Variants in CIAO3 observed in about 807,000 individuals in gnomAD.
CIAO3 encodes the protein cytosolic iron-sulfur assembly component 3, also known as LET1 like/JFP15.
CIAO3 carries 45 observed loss-of-function variants against 51.5 expected under a neutral mutation model. The observed-to-expected ratio is 0.87, with a 90% CI of 0.69 to 1.12. The LOEUF is 1.12. CIAO3 is among the 50% of genes most tolerant of loss of function. The probability of loss-of-function intolerance (pLI) is 0.00; values close to 1 mark genes in which losing one functional copy is unlikely to be tolerated. For synonymous variants in CIAO3, 314 were observed against 269.3 expected, an observed-to-expected ratio of 1.17 and a Z score of -1.63; for missense variants, 668 against 632.5, an observed-to-expected ratio of 1.06 and a Z score of -0.60.
At chr16:734,700 G>T (rs373388424) in intron 5 of CIAO3, 37 bp downstream of exon 5, 13 of 1,612,552 alleles carry the variant, frequency 8.1e-6, no homozygotes, top group Non-Finnish European at 1.1e-5. Flanking sequence ...AACTGCACTT[G>T]AACTTGACTC....
Position 737,814 on chromosome 16 carries a change from C to A in CIAO3, c.163-485G>T, listed in dbSNP as rs1034446158. The A allele has an allele frequency of 5.9e-6, 7 of 1,193,222 alleles. No individual in the cohort carries two copies. In the Admixed American group the frequency reaches 1.4e-4, roughly 24 times the overall value. The allele number at this position is 1,193,222 out of a possible 1,614,324, so 73.9% of individuals were successfully genotyped here. The stretch of plus-strand genomic sequence containing the variant: ...CTCCGGTGGGCGGGGCAGAAACAAC[C>A]GTCAGACTCGCCAAACAGATGCAGG... On this transcript the variant is annotated intron_variant, in intron 2 of 10. Coordinates refer to ENST00000251588, the MANE Select transcript of CIAO3 (RefSeq NM_022493.3). The surrounding 1 kb of genome is among the most constrained non-coding windows in gnomAD (Gnocchi z 5.3).
At position 737,215 on chromosome 16, in the gene CIAO3, C is replaced by G; in HGVS notation, c.277G>C (p.Glu93Gln). ...TVLITQQSHEELKKVLDANKM... is the reference protein window; with the variant it reads ...TVLITQQSHEQLKKVLDANKM... ...TTAGCATCTAGAACCTTCTTCAGCT[C>G]CTCGTGGCTCTGCTGGGTGATAAGC... Residue 93 changes from glutamate to glutamine, a missense_variant, in exon 3 of 11, where the codon GAG becomes CAG. By Grantham distance (29) the Glu-to-Gln change is conservative (BLOSUM62 2). Transcript: ENST00000251588. This position sits in a 1 kb window ranked among gnomAD's most constrained non-coding sequence, Gnocchi z 5.3. 1 of 1,613,786 alleles carries G rather than the reference C, an allele frequency of 6.2e-7. No homozygotes were observed. The highest frequency in any genetic ancestry group is 8.5e-7 in the Non-Finnish European group (1 of 1,180,018).
chr16:730,628 T>C lies in CIAO3; in HGVS notation c.1220A>G (p.Gln407Arg). The change falls in exon 11 of 11, where the codon CAG (glutamine) becomes CGG (arginine). Residue 407 changes from glutamine (Q) to arginine (R), a missense_variant. Physicochemically the swap from Gln to Arg is conservative, Grantham distance 43 (BLOSUM62 1). Transcript: ENST00000251588. ...SGCLNGGGQL[Q>R]APDRPSRELL... ...CTCTCTGCTGGGCCTGTCTGGGGCCTGGAGCTGGCCCCCGCCGTTCAGGCA... is the reference window on the plus strand; with the variant it reads ...CTCTCTGCTGGGCCTGTCTGGGGCCCGGAGCTGGCCCCCGCCGTTCAGGCA... 6.2e-7 allele frequency: 1 copy of C among 1,609,778 alleles called. No homozygotes were observed. Among genetic ancestry groups the C allele is most frequent in the South Asian group, 1.1e-5 (1 of 91,076 alleles).
At position 732,062 on chromosome 16, in the gene CIAO3, G is replaced by C. The variant is rs1222115260; in HGVS notation, c.896+239C>G. On this transcript the variant is annotated intron_variant, in intron 8 of 10. Transcript: ENST00000251588. ...CTGGCTAAATTTTGTATTTTTAGTA[G>C]AGATGAGGTTTCACCATGTTGGCCG... is the stretch of plus-strand genomic sequence containing the variant. 5.5e-6 allele frequency: 3 copies of C among 547,192 alleles called. No homozygotes were observed. The African/African-American group carries it at 5.7e-5, about 10-fold the overall frequency. The allele number at this position is 547,192 out of a possible 1,614,324, so 33.9% of individuals were successfully genotyped here.
intron 8 of CIAO3, chr16:731,908 GC>G: frequency 1.5e-6 from 1 of 678,602 alleles, no homozygotes; most frequent in Non-Finnish European, 2.3e-6. Context: ...TTGCTCTGTC[GC>G]CCAGGCTGGA....
chr16:733,455 C>A, intron 6 of CIAO3, 28 bp from the exon 7 acceptor site: 1 of 1,612,814 alleles, frequency 6.2e-7, no homozygotes, highest in Non-Finnish European at 8.5e-7. Flanking sequence ...CACTTGTCTC[C>A]CCAATCCCAG....
At chr16:734,695 C>T in intron 5 of CIAO3, 42 bp downstream of exon 5, 1 of 1,612,796 alleles carries the variant, frequency 6.2e-7, no homozygotes, top group Non-Finnish European at 8.5e-7. Flanking sequence ...GTTTCAACTG[C>T]ACTTGAACTT....
In CIAO3 at chr16:729,887, C is replaced by T. The variant is rs1179140154; in HGVS notation, c.*530G>A. The T allele has an allele frequency of 4.9e-6, 2 of 404,528 alleles. No homozygotes were observed. Among genetic ancestry groups the T allele is most frequent in the South Asian group, 2.2e-5 (1 of 45,246 alleles). The allele number at this position is 404,528 out of a possible 1,614,324, so 25.1% of individuals were successfully genotyped here. ...GTACTTGGCTTGCCCCGGACCACAGCCTCGTAACGGTAACCCCTGCTTTCC... is the reference window on the plus strand; with the variant it reads ...GTACTTGGCTTGCCCCGGACCACAGTCTCGTAACGGTAACCCCTGCTTTCC... On this transcript the variant is annotated 3_prime_UTR_variant, in exon 11 of 11. Coordinates refer to ENST00000251588, the MANE Select transcript of CIAO3 (RefSeq NM_022493.3).
rs1596677439 is a variant in CIAO3 at position 740,882 on chromosome 16, G to A, written c.66+38C>T. The A allele has an allele frequency of 6.6e-6, 10 of 1,516,976 alleles. 1 individual carries two copies. Among genetic ancestry groups the A allele is most frequent in the South Asian group, 1.2e-5 (1 of 83,262 alleles). The allele number at this position is 1,516,976 out of a possible 1,614,324, so 94.0% of individuals were successfully genotyped here. A position where few individuals can be genotyped will look rare whatever the true frequency, so the allele number is the denominator to read the frequency against. On this transcript the variant is annotated intron_variant, in intron 1 of 10. Coordinates refer to ENST00000251588, the MANE Select transcript of CIAO3 (RefSeq NM_022493.3). Reference sequence around the variant, plus strand: ...ATTTCCCTCCGCGCGACAGGGCACCGAGCGCAGCCTCGACCCCGCCCGCCC... The same window carrying A: ...ATTTCCCTCCGCGCGACAGGGCACCAAGCGCAGCCTCGACCCCGCCCGCCC...
chr16:733,699 G>A (rs1008978861), intron 6 of CIAO3: 2 of 473,800 alleles, frequency 4.2e-6, no homozygotes, highest in Non-Finnish European at 7.7e-6. Flanking sequence ...CCCACGGCTC[G>A]GGCCGTCTCA....
Position 737,397 on chromosome 16 carries a change from G to T in CIAO3, c.163-68C>A. 6.2e-7 allele frequency: 1 copy of T among 1,602,208 alleles called. No individual in the cohort carries two copies. Among genetic ancestry groups the T allele is most frequent in the Non-Finnish European group, 8.5e-7 (1 of 1,172,850 alleles). On this transcript the variant is annotated intron_variant, in intron 2 of 10. Transcript: ENST00000251588. This position sits in a 1 kb window ranked among gnomAD's most constrained non-coding sequence, Gnocchi z 5.3. ...CGAGGACATGGAGACAGAGGATAGT[G>T]GAGTCCAGCTCATAACCGACAACCA... is the stretch of plus-strand genomic sequence containing the variant.
rs1387210649 is a variant in CIAO3, at chr16:740,949, C to T, written c.37G>A (p.Asp13Asn). The change falls in exon 1 of 11, where the codon GAC becomes AAC. Residue 13 changes from aspartate (D) to asparagine (N), a missense_variant. By Grantham distance (23) the Asp-to-Asn change is conservative (BLOSUM62 1). Coordinates refer to ENST00000251588, the MANE Select transcript of CIAO3 (RefSeq NM_022493.3). ...SPFSGALQLTDLDDFIGPSQE... is the reference protein window; with the variant it reads ...SPFSGALQLTNLDDFIGPSQE... ...GACGGCCCGATGAAGTCATCCAGGT[C>T]CGTCAGCTGCAGCGCCCCGCTGAAG... is the stretch of plus-strand genomic sequence containing the variant. The T allele has an allele frequency of 2.0e-6, 3 of 1,521,316 alleles. No individual in the cohort carries two copies. In the African/African-American group the frequency reaches 4.2e-5, roughly 21 times the overall value. The allele number at this position is 1,521,316 out of a possible 1,614,324, so 94.2% of individuals were successfully genotyped here.
At position 740,938 on chromosome 16, in the gene CIAO3, G is replaced by A; in HGVS notation, c.48C>T (p.Asp16=). 2.6e-6 allele frequency: 4 copies of A among 1,524,372 alleles called. No individual in the cohort carries two copies. The highest frequency in any genetic ancestry group is 3.5e-6 in the Non-Finnish European group (4 of 1,140,186). 94.4% of individuals were successfully genotyped at this position (1,524,372 alleles called of 1,614,324 possible). The change falls in exon 1 of 11, where the codon GAC becomes GAT. Residue 16 remains aspartate (D), a synonymous_variant. Transcript: ENST00000251588. ...SGALQLTDLD[D]FIGPSQECIK... is the part of the protein sequence containing the mutation. ...GGCCCACCTGAGACGGCCCGATGAA[G>A]TCATCCAGGTCCGTCAGCTGCAGCG...
At chr16:739,096 G>T (rs2041366951) in intron 2 of CIAO3, among the ~76,000 whole-genome samples, 1 of 151,548 alleles carries the variant, frequency 6.6e-6, no homozygotes, top group Non-Finnish European at 1.5e-5. Flanking sequence ...AGGAGATTGA[G>T]ACCATCCTGG....
Position 737,521 on chromosome 16 carries a change from C to G in CIAO3, c.163-192G>C. The G allele has an allele frequency of 6.6e-7, 1 of 1,519,780 alleles. No individual in the cohort carries two copies. The highest frequency in any genetic ancestry group is 8.8e-7 in the Non-Finnish European group (1 of 1,137,192). 94.1% of individuals were successfully genotyped at this position (1,519,780 alleles called of 1,614,324 possible). A position where few individuals can be genotyped will look rare whatever the true frequency, so the allele number is the denominator to read the frequency against. ...ACGCTCTACAGTTTCATAATGCCGT[C>G]AAGTCTGCTTCTTGGTACCACTTGG... On this transcript the variant is annotated intron_variant, in intron 2 of 10. Transcript: ENST00000251588. The surrounding 1 kb of genome is among the most constrained non-coding windows in gnomAD (Gnocchi z 5.3).
In CIAO3 at chr16:737,181, C is replaced by CT. The variant is rs2041347586; in HGVS notation, c.306+4dup. ...AGCAGAGTCACCAGGCCGACCACTG[C>CT]TTACCTTGTTAGCATCTAGAACCTT... On this transcript the variant is annotated splice_donor_region_variant and intron_variant, in intron 3 of 10. Transcript: ENST00000251588. This position sits in a 1 kb window ranked among gnomAD's most constrained non-coding sequence, Gnocchi z 5.3. 1 of 1,613,542 alleles carries CT rather than the reference C, an allele frequency of 6.2e-7. No individual in the cohort carries two copies. Among genetic ancestry groups the CT allele is most frequent in the African/African-American group, 1.3e-5 (1 of 74,952 alleles).
At chr16:733,113 A>G in intron 7 of CIAO3, 185 bp downstream of exon 7, 1 of 687,952 alleles carries the variant, frequency 1.5e-6, no homozygotes, top group Admixed American at 3.0e-5. Flanking sequence ...TCCCCAAGAC[A>G]GGCCAGCTGC....
Position 740,943 on chromosome 16 carries a change from C to T in CIAO3, c.43G>A (p.Asp15Asn). The change falls in exon 1 of 11, where the codon GAT becomes AAT. Residue 15 changes from aspartate (D) to asparagine (N), a missense_variant. By Grantham distance (23) the Asp-to-Asn change is conservative (BLOSUM62 1). Coordinates refer to ENST00000251588, the MANE Select transcript of CIAO3 (RefSeq NM_022493.3). ...ACCTGAGACGGCCCGATGAAGTCAT[C>T]CAGGTCCGTCAGCTGCAGCGCCCCG... ...FSGALQLTDLDDFIGPSQECI... is the reference protein window; with the variant it reads ...FSGALQLTDLNDFIGPSQECI... 2.6e-6 allele frequency: 4 copies of T among 1,523,686 alleles called. No homozygotes were observed. The highest frequency in any genetic ancestry group is 1.8e-6 in the Non-Finnish European group (2 of 1,139,814). The allele number at this position is 1,523,686 out of a possible 1,614,324, so 94.4% of individuals were successfully genotyped here. A position where few individuals can be genotyped will look rare whatever the true frequency, so the allele number is the denominator to read the frequency against.
chr16:734,640 AC>A (rs751753762), intron 5 of CIAO3, 96 bp downstream of exon 5: 2 of 1,599,330 alleles, frequency 1.3e-6, no homozygotes, highest in African/African-American at 1.3e-5. Context: ...TTGCGTCTCC[AC>A]CCCCCATGCC....
Sources: gnomAD v4.1 joint callset for allele counts (sites outside exome capture counted in the v4.1 genomes callset) on GRCh38, gnomAD v4.1.1 for gene constraint, Gnocchi (gnomAD v3.1) non-coding constraint, MANE v1.5 for transcripts, NCBI Gene and HGNC (gene_info 2026-07-23, HGNC 2026-07-21) for gene names.